PSG7: variants seen among roughly 807,000 people sequenced by gnomAD.
PSG7 encodes pregnancy specific beta-1-glycoprotein 7, also known as pregnancy-specific beta-1-glycoprotein 7.
Under a neutral mutation model 45.6 loss-of-function variants are expected in PSG7, and 57 were observed. That is an observed-to-expected ratio of 1.25 (90% CI 1.01 to 1.56). PSG7 has a LOEUF of 1.56. Ranked by LOEUF, PSG7 falls within the 40% of genes most tolerant of loss-of-function variation. PSG7 has a pLI of 0.00. For missense variants in PSG7, 796 were observed against 508.4 expected, an observed-to-expected ratio of 1.57 and a Z score of -5.44; for synonymous variants, 298 against 194.4, an observed-to-expected ratio of 1.53 and a Z score of -4.43.
Position 42,931,073 on chromosome 19 carries a change from T to A in PSG7, c.431-1353A>T, listed in dbSNP as rs1249756210. On this transcript the variant is annotated intron_variant, in intron 2 of 5. Transcript: ENST00000406070. Reference sequence around the variant, plus strand: ...TTTTGAGCATTTCAGATTGTGGATTTCTGGATTTGGGATGCTCAATTCGTA... The same window carrying A: ...TTTTGAGCATTTCAGATTGTGGATTACTGGATTTGGGATGCTCAATTCGTA... Among the ~76,000 whole-genome samples the A allele has an allele frequency of 4.0e-5, 6 of 151,620 alleles. 1 individual carries two copies. The highest frequency in any genetic ancestry group is 5.9e-5 in the Non-Finnish European group (4 of 67,892).
chr19:42,926,457 T>C lies in PSG7; in HGVS notation c.969A>G (p.Pro323=). The C allele has an allele frequency of 6.2e-7, 1 of 1,611,680 alleles. No homozygotes were observed. Among genetic ancestry groups the C allele is most frequent in the Non-Finnish European group, 8.5e-7 (1 of 1,178,978 alleles). Residue 323 remains proline (P), a synonymous_variant, in exon 4 of 6, where the codon CCA becomes CCG. Coordinates refer to ENST00000406070, the MANE Select transcript of PSG7 (RefSeq NM_002783.3). ...RDRYGGIRSD[P]VTLNVLYGPD... ...ACTCACAGAGGACATTCAGGGTGAC[T>C]GGGTCACTGCGGATGCCACCATATC...
intron 2 of PSG7, among the ~76,000 whole-genome samples, chr19:42,933,925 C>T (rs115679632): frequency 0.025 from 3,844 of 151,224 alleles, 209 homozygotes; most frequent in African/African-American, 0.086. Flanking sequence ...TGTCAGCCTC[C>T]GAAGGACAAG....
chr19:42,935,555 A>G lies in PSG7; in HGVS notation c.279T>C (p.Pro93=). The G allele has an allele frequency of 6.2e-7, 1 of 1,612,082 alleles. No individual in the cohort carries two copies. Among genetic ancestry groups the G allele is most frequent in the Non-Finnish European group, 8.5e-7 (1 of 1,179,040 alleles). Residue 93 remains proline (P), a synonymous_variant, in exon 2 of 6, where the codon CCT becomes CCC. Coordinates refer to ENST00000406070, the MANE Select transcript of PSG7 (RefSeq NM_002783.3). ...IVDGQIIKYG[P]AYSGRETVYS... is the part of the protein sequence containing the mutation. ...ATACTGTTTCTCGTCCACTGTATGC[A>G]GGCCCATATTTAATTATTTGACCGT... is the stretch of plus-strand genomic sequence containing the variant.
chr19:42,933,309 T>A (rs59784286), intron 2 of PSG7, among the ~76,000 whole-genome samples: 240 of 21,056 alleles, frequency 0.011, 1 homozygote, highest in Middle Eastern at 0.071. Flanking sequence ...ATATATATAT[T>A]TTTTTTTTTT....
chr19:42,925,742 C>G, intron 5 of PSG7, 31 bp downstream of exon 5: 1 of 1,611,390 alleles, frequency 6.2e-7, no homozygotes, highest in African/African-American at 1.3e-5. Flanking sequence ...CACCTAAAAC[C>G]CTATTGCCAA....
chr19:42,930,850 A>G (rs1386354680), intron 2 of PSG7, among the ~76,000 whole-genome samples: 5 of 151,650 alleles, frequency 3.3e-5, no homozygotes, highest in East Asian at 1.9e-4. Flanking sequence ...GTACAGCCTC[A>G]TGCCTATAGT....
intron 2 of PSG7, among the ~76,000 whole-genome samples, chr19:42,930,466 C>T (rs900917755): frequency 2.6e-5 from 4 of 151,680 alleles, no homozygotes; most frequent in African/African-American, 9.7e-5. Context: ...ATGATGCTCC[C>T]TTTCCCCTGT....
At position 42,926,502 on chromosome 19, in the gene PSG7, A is replaced by G. The variant is rs1287069707; in HGVS notation, c.924T>C (p.Tyr308=). The change falls in exon 4 of 6, where the codon TAT becomes TAC. Residue 308 remains tyrosine, a synonymous_variant. Transcript: ENST00000406070. ...CATATCGGTCCCGTATTTCACATTG[A>G]TAGGGTCCTGTTTCATTTCTCGTGA... ...PSVTRNETGP[Y]QCEIRDRYGG... is the part of the protein sequence containing the mutation. The G allele has an allele frequency of 3.1e-6, 5 of 1,611,390 alleles. No homozygotes were observed. Among genetic ancestry groups the G allele is most frequent in the East Asian group, 2.2e-5 (1 of 44,796 alleles).
At position 42,925,888 on chromosome 19, in the gene PSG7, T is replaced by C. The variant is rs1383473160; in HGVS notation, c.1128A>G (p.Gly376=). Residue 376 remains glycine, a synonymous_variant, in exon 5 of 6, where the codon GGA becomes GGG. Coordinates refer to ENST00000406070, the MANE Select transcript of PSG7 (RefSeq NM_002783.3). ...TAATCTGGGGGATAGAAAGCTTTTG[T>C]CCTGATAGCTGAAACTTCCCATTAA... ...WTINGKFQLS[G]QKLSIPQITT... is the part of the protein sequence containing the mutation. 1 of 1,612,048 alleles carries C rather than the reference T, an allele frequency of 6.2e-7. No homozygotes were observed. The highest frequency in any genetic ancestry group is 1.3e-5 in the African/African-American group (1 of 74,652).
rs757477562 is a variant in PSG7, at chr19:42,937,119, A to G, written c.-43T>C. 8 of 1,598,806 alleles carry G rather than the reference A, an allele frequency of 5.0e-6. No individual in the cohort carries two copies. Among genetic ancestry groups the G allele is most frequent in the African/African-American group, 1.3e-5 (1 of 74,180 alleles). On this transcript the variant is annotated 5_prime_UTR_variant, in exon 1 of 6. Coordinates refer to ENST00000406070, the MANE Select transcript of PSG7 (RefSeq NM_002783.3). Reference sequence around the variant, plus strand: ...TGTTCTCCTCTGTGGAGATGAGCCTAGGATCCAGAATCTTCCTGAGCACGG... The same window carrying G: ...TGTTCTCCTCTGTGGAGATGAGCCTGGGATCCAGAATCTTCCTGAGCACGG...
intron 1 of PSG7, 52 bp downstream of exon 1, chr19:42,936,961 C>G (rs1973164711): frequency 2.5e-6 from 4 of 1,602,224 alleles, no homozygotes; most frequent in South Asian, 1.1e-5. Context: ...GAGACCCCAT[C>G]CAGTCACTCT....
At chr19:42,934,547 C>G (rs1482527346) in intron 2 of PSG7, among the ~76,000 whole-genome samples, 1 of 151,596 alleles carries the variant, frequency 6.6e-6, no homozygotes, top group Non-Finnish European at 1.5e-5. Context: ...TTCATGCTAT[C>G]TGTGAATAAA....
Position 42,926,785 on chromosome 19 carries a change from T to C in PSG7, c.710-69A>G, listed in dbSNP as rs567209917. 1.7e-3 allele frequency: 2,699 copies of C among 1,585,806 alleles called. 92 individuals are homozygous for C. The African/African-American group carries it at 0.031, about 18-fold the overall frequency. On this transcript the variant is annotated intron_variant, in intron 3 of 5. Transcript: ENST00000406070. ...GATTCCTCCACAGGCATCCTTCAAT[T>C]AGAGTTGGCATCTCCCACCTGTCAA...
chr19:42,935,033 C>G (rs1180669894), intron 2 of PSG7, among the ~76,000 whole-genome samples: 2 of 151,644 alleles, frequency 1.3e-5, no homozygotes, highest in Non-Finnish European at 2.9e-5. Flanking sequence ...GCTTCTAGGG[C>G]TGAGCTTCTC....
chr19:42,933,301 A>ATTTTTTTTTT (rs1439847468), intron 2 of PSG7, among the ~76,000 whole-genome samples: 11 of 14,646 alleles, frequency 7.5e-4, no homozygotes, highest in African/African-American at 1.3e-3. Context: ...ATATATATAT[A>ATTTTTTTTTT]TATATATTTT....
intron 2 of PSG7, among the ~76,000 whole-genome samples, chr19:42,930,515 A>G (rs868520589): frequency 2.6e-5 from 4 of 151,740 alleles, no homozygotes; most frequent in Non-Finnish European, 5.9e-5. Context: ...TTCTAGAAAT[A>G]CATGTTGATG....
intron 2 of PSG7, among the ~76,000 whole-genome samples, chr19:42,931,824 C>A (rs1026021109): frequency 6.6e-6 from 1 of 151,500 alleles, no homozygotes; most frequent in African/African-American, 2.4e-5. Flanking sequence ...CCCACAACTA[C>A]AAAATTTAAA....
chr19:42,929,751 G>T (rs571151344), intron 2 of PSG7, 31 bp from the exon 3 acceptor site: 6 of 1,600,056 alleles, frequency 3.7e-6, no homozygotes, highest in Non-Finnish European at 5.1e-6. Context: ...AGATTGCCCT[G>T]TGTGGCACCT....
chr19:42,932,109 C>T (rs1278016398), intron 2 of PSG7, among the ~76,000 whole-genome samples: 6 of 151,286 alleles, frequency 4.0e-5, no homozygotes, highest in African/African-American at 1.2e-4. Context: ...CTGCAAGCTC[C>T]GCCTCCCGGT....
Sources: allele counts gnomAD v4.1 joint callset (sites outside exome capture counted in the v4.1 genomes callset), GRCh38; gene constraint gnomAD v4.1.1; transcripts MANE v1.5; gene names NCBI Gene and HGNC (gene_info 2026-07-23, HGNC 2026-07-21).